CDH3: variants seen among roughly 807,000 people sequenced by gnomAD.
The protein encoded by CDH3 is cadherin 3.
A neutral mutation model predicts 82.0 loss-of-function variants in CDH3; 54 were observed. The observed-to-expected ratio is 0.66, with a 90% CI of 0.53 to 0.83. CDH3 has a LOEUF of 0.83. Among genes scored for constraint, CDH3 ranks in the 40% least tolerant of loss-of-function variants. The pLI, the probability that CDH3 is intolerant of heterozygous loss-of-function variation, is 0.00. For missense variants in CDH3, 1,054 were observed against 1,084.6 expected (o/e 0.97, Z 0.40); for synonymous variants, 446 against 437.9 (o/e 1.02, Z -0.23).
chr16:68,645,404 G>A lies in CDH3; in HGVS notation c.25G>A (p.Ala9Thr). MGLPRGPLASLLLLQVCWL... is the reference protein window; with the variant it reads MGLPRGPLTSLLLLQVCWL... ...CATGGGGCTCCCTCGTGGACCTCTC[G>A]CGTCTCTCCTCCTTCTCCAGGTACT... Residue 9 changes from alanine to threonine, a missense_variant, in exon 1 of 16, where the codon GCG (alanine) becomes ACG (threonine). By Grantham distance (58) the Ala-to-Thr change is moderately conservative. Transcript: ENST00000264012. The A allele has an allele frequency of 6.2e-7, 1 of 1,613,466 alleles. No individual in the cohort carries two copies. The highest frequency in any genetic ancestry group is 8.5e-7 in the Non-Finnish European group (1 of 1,179,786).
chr16:68,706,064 C>CAAAA (rs548695101), intron 1 of CDH3, among the ~76,000 whole-genome samples: 6 of 70,600 alleles, frequency 8.5e-5, no homozygotes, highest in South Asian at 5.0e-4. Flanking sequence ...GACTCCGTCT[C>CAAAA]AAAAAAAAAA....
At chr16:68,672,371 T>C (rs1402387132) in intron 2 of CDH3, among the ~76,000 whole-genome samples, 1 of 152,194 alleles carries the variant, frequency 6.6e-6, no homozygotes, top group South Asian at 2.1e-4. Flanking sequence ...CTATATAAAG[T>C]GTTATATTGC....
intron 15 of CDH3, 179 bp from the exon 16 acceptor site, chr16:68,698,012 C>T: frequency 1.4e-6 from 1 of 691,100 alleles, no homozygotes; most frequent in Non-Finnish European, 2.6e-6. Flanking sequence ...TTGCACTGAG[C>T]ACTTGCTGTC....
At chr16:68,682,934 A>G (rs908866807) in intron 9 of CDH3, among the ~76,000 whole-genome samples, 1 of 152,144 alleles carries the variant, frequency 6.6e-6, no homozygotes, top group Admixed American at 6.6e-5. Context: ...TTATTGGGGT[A>G]TAGGACGTGG....
At chr16:68,646,085 C>A (rs1960051844) in intron 2 of CDH3, 1 of 349,008 alleles carries the variant, frequency 2.9e-6, no homozygotes, top group South Asian at 3.5e-5. Context: ...CGGCCACATT[C>A]TTCCCCCAAC....
intron 2 of CDH3, among the ~76,000 whole-genome samples, chr16:68,653,071 T>A (rs1960295126): frequency 6.6e-6 from 1 of 152,172 alleles, no homozygotes; most frequent in Non-Finnish European, 1.5e-5. Flanking sequence ...GATCCTGGAC[T>A]GAGATATCAG....
chr16:68,718,733 T>C (rs183471173), intron 1 of CDH3, among the ~76,000 whole-genome samples: 1 of 152,212 alleles, frequency 6.6e-6, no homozygotes, highest in African/African-American at 2.4e-5. Context: ...TTAGAAAGCA[T>C]AAACATATGC....
At chr16:68,702,048 T>C (rs1226989785), downstream of CDH3, among the ~76,000 whole-genome samples, 1 of 151,804 alleles carries the variant, frequency 6.6e-6, no homozygotes, top group Non-Finnish European at 1.5e-5. Flanking sequence ...TCTATAGATA[T>C]ATCTATAGAT....
chr16:68,678,297 TG>T lies in CDH3; in HGVS notation c.390+23del. On this transcript the variant is annotated intron_variant, in intron 4 of 15. Transcript: ENST00000264012. Reference sequence around the variant, plus strand: ...AATCAGGTACGACTGTGCCTTCTCCTGGGAAGCATTGGTGGCTCCAGGGACC... The same window carrying T: ...AATCAGGTACGACTGTGCCTTCTCCTGGAAGCATTGGTGGCTCCAGGGACC... The T allele has an allele frequency of 6.2e-7, 1 of 1,613,926 alleles. No homozygotes were observed. Among genetic ancestry groups the T allele is most frequent in the Admixed American group, 1.7e-5 (1 of 60,026 alleles).
intron 1 of CDH3, among the ~76,000 whole-genome samples, chr16:68,711,282 C>T (rs1962027340): frequency 6.6e-6 from 1 of 151,104 alleles, no homozygotes; most frequent in African/African-American, 2.4e-5. Flanking sequence ...GCACTCCAGC[C>T]TGGGCAACAA....
At chr16:68,690,966 C>G (rs544359380) in intron 12 of CDH3, among the ~76,000 whole-genome samples, 2 of 151,840 alleles carry the variant, frequency 1.3e-5, no homozygotes, top group African/African-American at 4.8e-5. Flanking sequence ...GGCTAGCTAT[C>G]AGCTGCTCTG....
intron 2 of CDH3, among the ~76,000 whole-genome samples, chr16:68,652,535 G>T (rs939759214): frequency 7.9e-5 from 12 of 152,164 alleles, no homozygotes; most frequent in Admixed American, 7.9e-4. Flanking sequence ...TTGAGGCTTT[G>T]GTCCTGAGGC....
At chr16:68,646,083 T>G in intron 2 of CDH3, 1 of 346,926 alleles carries the variant, frequency 2.9e-6, no homozygotes, top group Non-Finnish European at 5.4e-6. Flanking sequence ...GCCGGCCACA[T>G]TCTTCCCCCA....
intron 2 of CDH3, among the ~76,000 whole-genome samples, chr16:68,724,665 C>A (rs79777749): frequency 0.055 from 8,305 of 151,586 alleles, 330 homozygotes; most frequent in Non-Finnish European, 0.083. Context: ...CCTGTCAATT[C>A]CCCACACTAC....
intron 1 of CDH3, among the ~76,000 whole-genome samples, chr16:68,719,595 C>T (rs998790926): frequency 6.9e-6 from 1 of 145,898 alleles, no homozygotes; most frequent in Non-Finnish European, 1.5e-5. Context: ...GCAACCTCTG[C>T]CTCCCGGGTT....
chr16:68,686,678 G>A (rs900817074), intron 11 of CDH3: 25 of 800,130 alleles, frequency 3.1e-5, no homozygotes, highest in South Asian at 9.3e-5. Context: ...TGGAAAGTAC[G>A]TAGACTGAAA....
intron 2 of CDH3, among the ~76,000 whole-genome samples, chr16:68,725,081 C>T (rs554344444): frequency 6.6e-6 from 1 of 152,160 alleles, no homozygotes; most frequent in African/African-American, 2.4e-5. Context: ...AACTGCAGCA[C>T]CTTATCTATT....
In CDH3 at chr16:68,691,864, G is replaced by A; in HGVS notation, c.1940G>A (p.Cys647Tyr). The change falls in exon 13 of 16, where the codon TGC (cysteine) becomes TAC (tyrosine). Residue 647 changes from cysteine (C) to tyrosine (Y), a missense_variant. Transcript: ENST00000264012. ...GACTGCCATGGCCATGTCGAAACCT[G>A]CCCTGGACCCTGGAAGGGAGGTTTC... ...VCDCHGHVET[C>Y]PGPWKGGFIL... 6.2e-7 allele frequency: 1 copy of A among 1,614,078 alleles called. No individual in the cohort carries two copies. The highest frequency in any genetic ancestry group is 8.5e-7 in the Non-Finnish European group (1 of 1,180,026).
downstream of CDH3, among the ~76,000 whole-genome samples, chr16:68,701,786 G>A (rs1055919142): frequency 6.6e-6 from 1 of 151,966 alleles, no homozygotes; most frequent in Non-Finnish European, 1.5e-5. Context: ...AGCACTTTGG[G>A]AGGCTGAGGC....
Sources: allele counts gnomAD v4.1 joint callset (sites outside exome capture counted in the v4.1 genomes callset), GRCh38; gene constraint gnomAD v4.1.1; transcripts MANE v1.5; gene names NCBI Gene and HGNC (gene_info 2026-07-23, HGNC 2026-07-21).